KRTAP5-2: variants seen among roughly 807,000 people sequenced by gnomAD.
The protein encoded by KRTAP5-2 is keratin associated protein 5-2.
For synonymous variants in KRTAP5-2, 79 were observed against 82.7 expected (o/e 0.96, Z 0.24); for missense variants, 188 against 212.8 (o/e 0.88, Z 0.73).
chr11:1,597,550 G>A lies in KRTAP5-2; in HGVS notation c.*167C>T. The A allele has an allele frequency of 8.8e-7, 1 of 1,140,644 alleles. No individual in the cohort carries two copies. The highest frequency in any genetic ancestry group is 1.2e-6 in the Non-Finnish European group (1 of 800,600). The allele number at this position is 1,140,644 out of a possible 1,614,324, so 70.7% of individuals were successfully genotyped here. A position where few individuals can be genotyped will look rare whatever the true frequency, so the allele number is the denominator to read the frequency against. ...ACGTTTCTGGAGTGAGGAGGCTGAA[G>A]GCAGGGCCCAGAGGAGAGCTGAGCC... On this transcript the variant is annotated 3_prime_UTR_variant, in exon 1 of 1. Coordinates refer to ENST00000412090, the MANE Select transcript of KRTAP5-2 (RefSeq NM_001004325.2).
rs1849310293 is a variant in KRTAP5-2 at position 1,597,940 on chromosome 11, GA to G, written c.310del (p.Ser104ProfsTer88). The G allele has an allele frequency of 6.2e-7, 1 of 1,605,602 alleles. No individual in the cohort carries two copies. The highest frequency in any genetic ancestry group is 1.4e-5 in the African/African-American group (1 of 72,818). ...GCCACAAGAACCACAGCCCCCCTTGGAACCCCCACAGGAGCCACAGCCCCCC... is the reference window on the plus strand; with the variant it reads ...GCCACAAGAACCACAGCCCCCCTTGGACCCCCACAGGAGCCACAGCCCCCC... ...SKGGCGSCGGSKGGCGSCGCS... is the reference protein window; with the variant it reads ...SKGGCGSCGGXKGGCGSCGCS... On this transcript the variant is annotated frameshift_variant, in exon 1 of 1. Transcript: ENST00000412090. LOFTEE classifies it low-confidence loss of function (END_TRUNC).
Position 1,597,808 on chromosome 11 carries a change from C to T in KRTAP5-2, c.443G>A (p.Cys148Tyr), listed in dbSNP as rs1388515369. The T allele has an allele frequency of 1.9e-6, 3 of 1,613,710 alleles. No individual in the cohort carries two copies. Among genetic ancestry groups the T allele is most frequent in the African/African-American group, 2.7e-5 (2 of 74,840 alleles). Residue 148 changes from cysteine (C) to tyrosine (Y), a missense_variant, in exon 1 of 1, where the codon TGT becomes TAT. Physicochemically the swap from Cys to Tyr is radical, Grantham distance 194 (BLOSUM62 -2). Transcript: ENST00000412090. ...GCTGGACTGGCAGCACACGGGGACA[C>T]AGCAGCTGGACTGGCAGCAGCAGGG... is the stretch of plus-strand genomic sequence containing the variant. ...CKPCCCQSSC[C>Y]VPVCCQSSCC... is the part of the protein sequence containing the mutation.
chr11:1,597,888 G>C lies in KRTAP5-2; in HGVS notation c.363C>G (p.Pro121=), dbSNP rs370177579. 1 of 1,613,830 alleles carries C rather than the reference G, an allele frequency of 6.2e-7. No individual in the cohort carries two copies. The highest frequency in any genetic ancestry group is 1.3e-5 in the African/African-American group (1 of 74,830). Residue 121 remains proline (P), a synonymous_variant, in exon 1 of 1, where the codon CCC becomes CCG. Coordinates refer to ENST00000412090, the MANE Select transcript of KRTAP5-2 (RefSeq NM_001004325.2). ...CGCSQSSCCK[P]CCCSSGCGSS... ...ATCCACAGCCTGAGGAGCAGCAACA[G>C]GGCTTACAACAGCTGGACTGGGAGC...
chr11:1,598,123 C>G lies in KRTAP5-2; in HGVS notation c.128G>C (p.Gly43Ala). 1 of 1,609,080 alleles carries G rather than the reference C, an allele frequency of 6.2e-7. No individual in the cohort carries two copies. The highest frequency in any genetic ancestry group is 8.5e-7 in the Non-Finnish European group (1 of 1,178,376). Reference sequence around the variant, plus strand: ...TCCCCCACAGCTGGAGCTGCAGCCCCCACAGCCAGAGCCACAGCCCCCACG... The same window carrying G: ...TCCCCCACAGCTGGAGCTGCAGCCCGCACAGCCAGAGCCACAGCCCCCACG... ...SGRGGCGSGCGGCSSSCGGCG... is the reference protein window; with the variant it reads ...SGRGGCGSGCAGCSSSCGGCG... The change falls in exon 1 of 1, where the codon GGG becomes GCG. Residue 43 changes from glycine to alanine, a missense_variant. Coordinates refer to ENST00000412090, the MANE Select transcript of KRTAP5-2 (RefSeq NM_001004325.2).
In KRTAP5-2 at chr11:1,598,115, T is replaced by G; in HGVS notation, c.136A>C (p.Ser46Arg). ...GAGCCACATCCCCCACAGCTGGAGCTGCAGCCCCCACAGCCAGAGCCACAG... is the reference window on the plus strand; with the variant it reads ...GAGCCACATCCCCCACAGCTGGAGCGGCAGCCCCCACAGCCAGAGCCACAG... ...GGCGSGCGGC[S>R]SSCGGCGSRC... is the part of the protein sequence containing the mutation. Residue 46 changes from serine to arginine, a missense_variant, in exon 1 of 1, where the codon AGC (serine) becomes CGC (arginine). Coordinates refer to ENST00000412090, the MANE Select transcript of KRTAP5-2 (RefSeq NM_001004325.2). The G allele has an allele frequency of 6.3e-7, 1 of 1,584,696 alleles. No homozygotes were observed. Among genetic ancestry groups the G allele is most frequent in the South Asian group, 1.1e-5 (1 of 90,044 alleles).
In KRTAP5-2 at chr11:1,598,194, G is replaced by A. The variant is rs1849320531; in HGVS notation, c.57C>T (p.Ser19=). The change falls in exon 1 of 1, where the codon TCC becomes TCT. Residue 19 remains serine (S), a synonymous_variant. Coordinates refer to ENST00000412090, the MANE Select transcript of KRTAP5-2 (RefSeq NM_001004325.2). ...AGCCAGAGCCACAACCCCCACAGCT[G>A]GAGCCACAGCCCCCACAGCCGGAGC... ...GCGSGCGGCG[S]SCGGCGSGCG... is the part of the protein sequence containing the mutation. 6.3e-7 allele frequency: 1 copy of A among 1,589,936 alleles called. No homozygotes were observed.
rs1428271993 is a variant in KRTAP5-2, at chr11:1,598,243, C to T, written c.8G>A (p.Cys3Tyr). The T allele has an allele frequency of 3.1e-6, 5 of 1,613,680 alleles. No homozygotes were observed. The highest frequency in any genetic ancestry group is 3.3e-5 in the Admixed American group (2 of 59,992). MG[C>Y]CGCSRGCGSG... The stretch of plus-strand genomic sequence containing the variant: ...GCCACAGCCTCTGGAGCAGCCACAG[C>T]AGCCCATGGTTCTGGTGGATTGAGG... The change falls in exon 1 of 1, where the codon TGC (cysteine) becomes TAC (tyrosine). Residue 3 changes from cysteine (C) to tyrosine (Y), a missense_variant. Coordinates refer to ENST00000412090, the MANE Select transcript of KRTAP5-2 (RefSeq NM_001004325.2).
In KRTAP5-2 at chr11:1,598,105, C is replaced by A; in HGVS notation, c.146G>T (p.Cys49Phe). The change falls in exon 1 of 1, where the codon TGT becomes TTT. Residue 49 changes from cysteine (C) to phenylalanine (F), a missense_variant. Transcript: ENST00000412090. ...ATAACATCTGGAGCCACATCCCCCA[C>A]AGCTGGAGCTGCAGCCCCCACAGCC... Reference protein sequence around the residue: ...GSGCGGCSSSCGGCGSRCYVP... With the variant: ...GSGCGGCSSSFGGCGSRCYVP... 1 of 1,612,000 alleles carries A rather than the reference C, an allele frequency of 6.2e-7. No homozygotes were observed. Among genetic ancestry groups the A allele is most frequent in the Non-Finnish European group, 8.5e-7 (1 of 1,179,844 alleles).
Position 1,597,816 on chromosome 11 carries a change from G to A in KRTAP5-2, c.435C>T (p.Ser145=). ...GGCAGCACACGGGGACACAGCAGCTGGACTGGCAGCAGCAGGGCTTGCAGC... is the reference window on the plus strand; with the variant it reads ...GGCAGCACACGGGGACACAGCAGCTAGACTGGCAGCAGCAGGGCTTGCAGC... ...SSCCKPCCCQ[S]SCCVPVCCQS... is the part of the protein sequence containing the mutation. Residue 145 remains serine (S), a synonymous_variant, in exon 1 of 1, where the codon TCC becomes TCT. Coordinates refer to ENST00000412090, the MANE Select transcript of KRTAP5-2 (RefSeq NM_001004325.2). 1.2e-6 allele frequency: 2 copies of A among 1,613,640 alleles called. No homozygotes were observed. The highest frequency in any genetic ancestry group is 1.7e-6 in the Non-Finnish European group (2 of 1,179,914).
Position 1,597,859 on chromosome 11 carries a change from G to C in KRTAP5-2, c.392C>G (p.Ser131Cys). 1 of 1,613,770 alleles carries C rather than the reference G, an allele frequency of 6.2e-7. No homozygotes were observed. Among genetic ancestry groups the C allele is most frequent in the Non-Finnish European group, 8.5e-7 (1 of 1,179,930 alleles). Residue 131 changes from serine (S) to cysteine (C), a missense_variant, in exon 1 of 1, where the codon TCC (serine) becomes TGC (cysteine). Ser to Cys is a moderately radical substitution (Grantham distance 112). Transcript: ENST00000412090. ...CTTGCAGCAGCTGGACTGGCAGCAG[G>C]ATGATCCACAGCCTGAGGAGCAGCA... is the stretch of plus-strand genomic sequence containing the variant. ...PCCCSSGCGSSCCQSSCCKPC... is the reference protein window; with the variant it reads ...PCCCSSGCGSCCCQSSCCKPC...
Position 1,597,971 on chromosome 11 carries a change from AGCCCCCACAGGAGCCACAGCC to A in KRTAP5-2, c.259_279del (p.Gly87_Gly93del), listed in dbSNP as rs1849312622. 2.8e-6 allele frequency: 1 copy of A among 356,938 alleles called. No individual in the cohort carries two copies. The highest frequency in any genetic ancestry group is 3.9e-6 in the Non-Finnish European group (1 of 253,396). The allele number at this position is 356,938 out of a possible 1,614,324, so 22.1% of individuals were successfully genotyped here. A position where few individuals can be genotyped will look rare whatever the true frequency, so the allele number is the denominator to read the frequency against. Reference sequence around the variant, plus strand: ...CCACAGGAGCCACAGCCCCCCTTGGAGCCCCCACAGGAGCCACAGCCCCCCTTGGAGCCCCCACAGGAGCCA... The same window carrying A: ...CCACAGGAGCCACAGCCCCCCTTGGACCCCTTGGAGCCCCCACAGGAGCCA... On this transcript the variant is annotated inframe_deletion, in exon 1 of 1. Transcript: ENST00000412090.
Position 1,597,359 on chromosome 11 carries a change from T to G in KRTAP5-2, c.*358A>C. ...TGATGGTGGTTGAGAAGCTGGTTCT[T>G]AGTGATCACTCAGAAACGTCGGCCT... On this transcript the variant is annotated 3_prime_UTR_variant, in exon 1 of 1. Coordinates refer to ENST00000412090, the MANE Select transcript of KRTAP5-2 (RefSeq NM_001004325.2). 1 of 339,440 alleles carries G rather than the reference T, an allele frequency of 2.9e-6. No homozygotes were observed. 21.0% of individuals were successfully genotyped at this position (339,440 alleles called of 1,614,324 possible).
chr11:1,597,232 A>AT lies in KRTAP5-2; in HGVS notation c.*484dup, dbSNP rs907091066. Reference sequence around the variant, plus strand: ...AAGGAAATTCATTCATTATTTTGTTATTTTTTTTTAAACAGATGGAGACAA... The same window carrying AT: ...AAGGAAATTCATTCATTATTTTGTTATTTTTTTTTTAAACAGATGGAGACAA... On this transcript the variant is annotated 3_prime_UTR_variant, in exon 1 of 1. Transcript: ENST00000412090. 29 of 168,542 alleles carry AT rather than the reference A, an allele frequency of 1.7e-4. No individual in the cohort carries two copies. Among genetic ancestry groups the AT allele is most frequent in the East Asian group, 1.1e-3 (7 of 6,156 alleles). The allele number at this position is 168,542 out of a possible 1,614,324, so 10.4% of individuals were successfully genotyped here.
chr11:1,597,522 C>T lies in KRTAP5-2; in HGVS notation c.*195G>A. 2 of 911,568 alleles carry T rather than the reference C, an allele frequency of 2.2e-6. No individual in the cohort carries two copies. Among genetic ancestry groups the T allele is most frequent in the Non-Finnish European group, 3.3e-6 (2 of 604,198 alleles). 56.5% of individuals were successfully genotyped at this position (911,568 alleles called of 1,614,324 possible). A position where few individuals can be genotyped will look rare whatever the true frequency, so the allele number is the denominator to read the frequency against. ...GAGGACACCTCCCGCATCAGGGAAA[C>T]ACACGTTTCTGGAGTGAGGAGGCTG... is the stretch of plus-strand genomic sequence containing the variant. On this transcript the variant is annotated 3_prime_UTR_variant, in exon 1 of 1. Transcript: ENST00000412090.
Position 1,598,145 on chromosome 11 carries a change from C to G in KRTAP5-2, c.106G>C (p.Gly36Arg). 1 of 1,585,672 alleles carries G rather than the reference C, an allele frequency of 6.3e-7. No individual in the cohort carries two copies. The highest frequency in any genetic ancestry group is 1.1e-5 in the South Asian group (1 of 89,640). ...CCCCCACAGCCAGAGCCACAGCCCC[C>G]ACGGCCGGAGCCACAGCCCCCACAG... ...SGCGGCGSGR[G>R]GCGSGCGGCS... The change falls in exon 1 of 1, where the codon GGG (glycine) becomes CGG (arginine). Residue 36 changes from glycine (G) to arginine (R), a missense_variant. By Grantham distance (125) the Gly-to-Arg change is moderately radical. Transcript: ENST00000412090.
At position 1,597,950 on chromosome 11, in the gene KRTAP5-2, AG is replaced by A. The variant is rs773961574; in HGVS notation, c.300del (p.Cys101ValfsTer91). 1.6e-5 allele frequency: 6 copies of A among 373,654 alleles called. No homozygotes were observed. In the Admixed American group the frequency reaches 3.4e-4, roughly 21 times the overall value. The allele number at this position is 373,654 out of a possible 1,614,324, so 23.1% of individuals were successfully genotyped here. ...SCGGSKGGCG[S>X]CGGSKGGCGS... The stretch of plus-strand genomic sequence containing the variant: ...CCACAGCCCCCCTTGGAACCCCCAC[AG>A]GAGCCACAGCCCCCCTTGGAGCCCC... On this transcript the variant is annotated frameshift_variant, in exon 1 of 1. Transcript: ENST00000412090. LOFTEE classifies it low-confidence loss of function (END_TRUNC).
Position 1,597,568 on chromosome 11 carries a change from G to C in KRTAP5-2, c.*149C>G. On this transcript the variant is annotated 3_prime_UTR_variant, in exon 1 of 1. Coordinates refer to ENST00000412090, the MANE Select transcript of KRTAP5-2 (RefSeq NM_001004325.2). ...GGCTGAAGGCAGGGCCCAGAGGAGA[G>C]CTGAGCCATGGAAGGAGGTGTGTGC... 7.9e-7 allele frequency: 1 copy of C among 1,271,874 alleles called. No homozygotes were observed. The highest frequency in any genetic ancestry group is 2.1e-5 in the Admixed American group (1 of 48,312). The allele number at this position is 1,271,874 out of a possible 1,614,324, so 78.8% of individuals were successfully genotyped here.
chr11:1,598,187 C>T lies in KRTAP5-2; in HGVS notation c.64G>A (p.Gly22Arg). ...CCCCCACAGCCAGAGCCACAACCCC[C>T]ACAGCTGGAGCCACAGCCCCCACAG... ...SGCGGCGSSC[G>R]GCGSGCGGCG... Residue 22 changes from glycine (G) to arginine (R), a missense_variant, in exon 1 of 1, where the codon GGG (glycine) becomes AGG (arginine). Coordinates refer to ENST00000412090, the MANE Select transcript of KRTAP5-2 (RefSeq NM_001004325.2). 1 of 1,595,318 alleles carries T rather than the reference C, an allele frequency of 6.3e-7. No homozygotes were observed. Among genetic ancestry groups the T allele is most frequent in the East Asian group, 2.3e-5 (1 of 44,378 alleles).
Position 1,597,895 on chromosome 11 carries a change from C to G in KRTAP5-2, c.356G>C (p.Cys119Ser), listed in dbSNP as rs759044515. 1.2e-6 allele frequency: 2 copies of G among 1,613,926 alleles called. No individual in the cohort carries two copies. Among genetic ancestry groups the G allele is most frequent in the Admixed American group, 1.7e-5 (1 of 59,988 alleles). Residue 119 changes from cysteine (C) to serine (S), a missense_variant, in exon 1 of 1, where the codon TGT becomes TCT. By Grantham distance (112) the Cys-to-Ser change is moderately radical. Coordinates refer to ENST00000412090, the MANE Select transcript of KRTAP5-2 (RefSeq NM_001004325.2). Reference protein sequence around the residue: ...GSCGCSQSSCCKPCCCSSGCG... With the variant: ...GSCGCSQSSCSKPCCCSSGCG... ...GCCTGAGGAGCAGCAACAGGGCTTA[C>G]AACAGCTGGACTGGGAGCAGCCACA...
Sources: allele counts gnomAD v4.1 joint callset, GRCh38; gene constraint gnomAD v4.1.1; transcripts MANE v1.5; gene names NCBI Gene and HGNC (gene_info 2026-07-23, HGNC 2026-07-21).